The following PCMTD1 variants were observed in gnomAD, a reference collection of about 807,000 sequenced individuals.
The protein encoded by PCMTD1 is protein-L-isoaspartate (D-aspartate) O-methyltransferase domain containing 1.
PCMTD1 carries 12 observed loss-of-function variants against 37.6 expected under a neutral mutation model. The observed-to-expected ratio is 0.32, with a 90% CI of 0.20 to 0.52. The LOEUF is 0.52. Among genes scored for constraint, PCMTD1 ranks in the 20% least tolerant of loss-of-function variants. The pLI, the probability that PCMTD1 is intolerant of heterozygous loss-of-function variation, is 0.97. For missense variants in PCMTD1, 235 were observed against 421.3 expected, an observed-to-expected ratio of 0.56 and a Z score of 3.87; for synonymous variants, 117 against 135.8, an observed-to-expected ratio of 0.86 and a Z score of 0.96.
At chr8:51,869,853 T>C in intron 1 of PCMTD1, among the ~76,000 whole-genome samples, 1 of 152,146 alleles carries the variant, frequency 6.6e-6, no homozygotes, top group East Asian at 1.9e-4. Flanking sequence ...GTGTGTTAGG[T>C]AAGGGCTGCA....
chr8:51,893,527 A>T (rs2038962724), intron 1 of PCMTD1, among the ~76,000 whole-genome samples: 1 of 152,218 alleles, frequency 6.6e-6, no homozygotes, highest in South Asian at 2.1e-4. Context: ...ATGCAAGCTT[A>T]AAGAAACTGT....
chr8:51,881,830 A>C (rs1332049166), intron 1 of PCMTD1, among the ~76,000 whole-genome samples: 1 of 152,144 alleles, frequency 6.6e-6, no homozygotes, highest in Non-Finnish European at 1.5e-5. Flanking sequence ...TGCATTATCT[A>C]ATCTGAGCCC....
At chr8:51,828,788 A>C (rs971317369) in intron 5 of PCMTD1, among the ~76,000 whole-genome samples, 5 of 152,198 alleles carry the variant, frequency 3.3e-5, no homozygotes, top group African/African-American at 1.2e-4. Flanking sequence ...AGTGATAATC[A>C]CTGATTCTGG....
rs184419965 is a variant in PCMTD1 at position 51,850,693 on chromosome 8, G to T, written c.308-4930C>A. ...GCTAAAACTAAATATTCACCACAAG[G>T]GGGAGTAGGTGGATCAGTCATTAGG... On this transcript the variant is annotated intron_variant, in intron 2 of 5. Coordinates refer to ENST00000522514, the MANE Select transcript of PCMTD1 (RefSeq NM_052937.4). 8.9e-4 allele frequency among the ~76,000 whole-genome samples: 135 copies of T among 152,100 alleles called. 1 individual carries two copies. The highest frequency in any genetic ancestry group is 3.1e-3 in the African/African-American group (130 of 41,504).
At chr8:51,839,375 T>G in intron 3 of PCMTD1, 1 of 811,732 alleles carries the variant, frequency 1.2e-6, no homozygotes. Context: ...GAAAAAAATA[T>G]AGAGCACACA....
intron 5 of PCMTD1, among the ~76,000 whole-genome samples, chr8:51,829,724 C>G (rs11782727): frequency 6.6e-6 from 1 of 151,790 alleles, no homozygotes; most frequent in Non-Finnish European, 1.5e-5. Context: ...GAGCCGAGAT[C>G]GTGCCACTGC....
rs540092389 is a variant in PCMTD1 at position 51,862,557 on chromosome 8, G to A, written c.-95-1311C>T. Reference sequence around the variant, plus strand: ...CCTGAATTAATAAATCAGTAGAGGAGAAAGTGTGAAATGAAATACCCATGG... The same window carrying A: ...CCTGAATTAATAAATCAGTAGAGGAAAAAGTGTGAAATGAAATACCCATGG... On this transcript the variant is annotated intron_variant, in intron 1 of 5. Coordinates refer to ENST00000522514, the MANE Select transcript of PCMTD1 (RefSeq NM_052937.4). Among the ~76,000 whole-genome samples, 475 of 152,290 alleles carry A rather than the reference G, an allele frequency of 3.1e-3. 8 individuals carry two copies. Among genetic ancestry groups the A allele is most frequent in the Non-Finnish European group, 3.8e-3 (258 of 68,030 alleles).
intron 1 of PCMTD1, among the ~76,000 whole-genome samples, chr8:51,877,038 T>C (rs982786885): frequency 6.6e-6 from 1 of 152,200 alleles, no homozygotes; most frequent in Non-Finnish European, 1.5e-5. Flanking sequence ...CCATCTGAAG[T>C]AGTCAAAACT....
In PCMTD1 at chr8:51,825,833, C is replaced by T. The variant is rs2037913638; in HGVS notation, c.707-5115G>A. ...ATGCCATTTCACACCAATTAGAATG[C>T]AATCATTAAAAAGGAAACAACAGAT... On this transcript the variant is annotated intron_variant, in intron 5 of 5. Transcript: ENST00000522514. 2.0e-5 allele frequency among the ~76,000 whole-genome samples: 3 copies of T among 151,786 alleles called. No homozygotes were observed. The East Asian group carries it at 5.8e-4, about 29-fold the overall frequency.
At position 51,861,007 on chromosome 8, in the gene PCMTD1, T is replaced by C. The variant is rs755508402; in HGVS notation, c.145A>G (p.Asn49Asp). The C allele has an allele frequency of 6.2e-7, 1 of 1,614,098 alleles. No homozygotes were observed. The highest frequency in any genetic ancestry group is 1.1e-5 in the South Asian group (1 of 91,076). ...GDYYLEGYRD[N>D]AYKDLAWKHG... ...TTCCAGGCTAAGTCTTTGTAAGCAT[T>C]GTCTCTGTAGCCTTCCAAATAGTAA... is the stretch of plus-strand genomic sequence containing the variant. Residue 49 changes from asparagine to aspartate, a missense_variant, in exon 2 of 6, where the codon AAT becomes GAT. Asn to Asp is a conservative substitution (Grantham distance 23). This residue lies in a region of PCMTD1 where 183 missense variants were observed against 349.3 expected (regional missense o/e 0.52). Coordinates refer to ENST00000522514, the MANE Select transcript of PCMTD1 (RefSeq NM_052937.4).
chr8:51,831,511 A>G lies in PCMTD1; in HGVS notation c.639T>C (p.Ala213=), dbSNP rs1402246205. ...GTTGCACAAGTGGAGCAAATGAAAC[A>G]GCAAGGATATTTTTACTTTCCCAAG... The part of the protein sequence containing the change: ...QNTWESKNIL[A]VSFAPLVQPS... The change falls in exon 5 of 6, where the codon GCT becomes GCC. Residue 213 remains alanine, a synonymous_variant. Coordinates refer to ENST00000522514, the MANE Select transcript of PCMTD1 (RefSeq NM_052937.4). 6.2e-7 allele frequency: 1 copy of G among 1,613,732 alleles called. No individual in the cohort carries two copies. The highest frequency in any genetic ancestry group is 8.5e-7 in the Non-Finnish European group (1 of 1,179,842).
chr8:51,836,941 G>A (rs1284516687), intron 3 of PCMTD1, among the ~76,000 whole-genome samples: 3 of 152,108 alleles, frequency 2.0e-5, no homozygotes, highest in African/African-American at 7.2e-5. Flanking sequence ...GTAATAACTG[G>A]AGCTTCATGT....
At chr8:51,868,740 T>C (rs1320668227) in intron 1 of PCMTD1, among the ~76,000 whole-genome samples, 1 of 152,176 alleles carries the variant, frequency 6.6e-6, no homozygotes, top group Non-Finnish European at 1.5e-5. Flanking sequence ...ATACAGCTCT[T>C]ACCACATACA....
chr8:51,841,130 T>G (rs772438715), intron 3 of PCMTD1, among the ~76,000 whole-genome samples: 21 of 152,146 alleles, frequency 1.4e-4, no homozygotes, highest in Non-Finnish European at 2.6e-4. Flanking sequence ...CAGGCTCAGG[T>G]TACAGCCTCT....
chr8:51,848,834 A>T (rs2038262198), intron 2 of PCMTD1: 1 of 152,186 alleles, frequency 6.6e-6, no homozygotes, highest in Non-Finnish European at 1.5e-5. Context: ...AAACTGTTTA[A>T]TTTTCAATGA....
chr8:51,855,957 G>A (rs574975408), intron 2 of PCMTD1, among the ~76,000 whole-genome samples: 2 of 152,018 alleles, frequency 1.3e-5, no homozygotes, highest in African/African-American at 2.4e-5. Flanking sequence ...CTGAGCCACC[G>A]CGCCTGGCCC....
At chr8:51,831,918 A>C (rs1186162950) in intron 4 of PCMTD1, among the ~76,000 whole-genome samples, 1 of 152,204 alleles carries the variant, frequency 6.6e-6, no homozygotes, top group Non-Finnish European at 1.5e-5. Context: ...AATTTGGTTA[A>C]GGCATTATAG....
intron 2 of PCMTD1, among the ~76,000 whole-genome samples, chr8:51,848,696 T>C (rs183152519): frequency 6.6e-6 from 1 of 152,330 alleles, no homozygotes; most frequent in East Asian, 1.9e-4. Flanking sequence ...ACACAAGATA[T>C]TTAATAATGA....
Position 51,827,403 on chromosome 8 carries a change from T to A in PCMTD1, c.706+4041A>T, listed in dbSNP as rs920578033. 5.5e-5 allele frequency: 34 copies of A among 617,744 alleles called. No homozygotes were observed. In the African/African-American group the frequency reaches 6.2e-4, roughly 11 times the overall value. 38.3% of individuals were successfully genotyped at this position (617,744 alleles called of 1,614,324 possible). A position where few individuals can be genotyped will look rare whatever the true frequency, so the allele number is the denominator to read the frequency against. On this transcript the variant is annotated intron_variant, in intron 5 of 5. Transcript: ENST00000522514. ...GAAAAATTGAGAAATAAGCAATTCATATGTTTTAAATTGTGAGCTGTTCTG... is the reference window on the plus strand; with the variant it reads ...GAAAAATTGAGAAATAAGCAATTCAAATGTTTTAAATTGTGAGCTGTTCTG...
Sources: allele counts gnomAD v4.1 joint callset (sites outside exome capture counted in the v4.1 genomes callset), GRCh38; gene constraint gnomAD v4.1.1; regional missense constraint gnomAD v4.1.1; transcripts MANE v1.5; gene names NCBI Gene and HGNC (gene_info 2026-07-23, HGNC 2026-07-21).